The following ENKUR variants were observed in gnomAD, a reference collection of about 807,000 sequenced individuals.
ENKUR encodes the protein enkurin, TRPC channel interacting protein, also known as enkurin.
ENKUR carries 19 observed loss-of-function variants against 27.6 expected under a neutral mutation model. The ratio of observed to expected loss-of-function variants is 0.69; its 90% CI spans 0.48 to 1.01. The LOEUF is 1.01. Ranked by LOEUF, ENKUR falls within the 50% of genes least tolerant of loss-of-function variation. The pLI, the probability that ENKUR is intolerant of heterozygous loss-of-function variation, is 0.00. For synonymous variants in ENKUR, 117 were observed against 96.9 expected (o/e 1.21, Z -1.22); for missense variants, 312 against 310.5 (o/e 1.00, Z -0.04).
chr10:25,039,262 G>A (rs1436452819), intron 2 of ENKUR, among the ~76,000 whole-genome samples: 1 of 152,128 alleles, frequency 6.6e-6, no homozygotes, highest in African/African-American at 2.4e-5. Flanking sequence ...AGTAGGGACA[G>A]TTTTGCTGTT....
intron 2 of ENKUR, chr10:25,023,509 A>T: frequency 6.2e-7 from 1 of 1,614,142 alleles, no homozygotes; most frequent in Non-Finnish European, 8.5e-7. Context: ...AAAAACCTGG[A>T]ATATGAGTGT....
chr10:25,028,251 A>G (rs1850891472), intron 2 of ENKUR, among the ~76,000 whole-genome samples: 1 of 152,196 alleles, frequency 6.6e-6, no homozygotes, highest in African/African-American at 2.4e-5. Flanking sequence ...CTTTTTCTCA[A>G]AACCAACTCT....
At chr10:25,034,780 A>G (rs534404860) in intron 2 of ENKUR, among the ~76,000 whole-genome samples, 8 of 152,202 alleles carry the variant, frequency 5.3e-5, no homozygotes, top group Admixed American at 2.0e-4. Context: ...AGTATTCTGT[A>G]TATTTTCCAG....
intron 2 of ENKUR, among the ~76,000 whole-genome samples, chr10:25,050,641 T>C (rs1192454577): frequency 6.6e-6 from 1 of 152,116 alleles, no homozygotes; most frequent in African/African-American, 2.4e-5. Flanking sequence ...AGGCAAACCA[T>C]ATCATGTTTC....
chr10:24,988,680 A>ATATATATATATATATGTG (rs1849850757), intron 4 of ENKUR, among the ~76,000 whole-genome samples: 1 of 3,468 alleles, frequency 2.9e-4, no homozygotes, highest in African/African-American at 1.1e-3. Flanking sequence ...ATATATATAT[A>ATATATATATATATATGTG]TATATATATA....
Position 24,995,702 on chromosome 10 carries a change from C to T in ENKUR, c.391G>A (p.Gly131Arg), listed in dbSNP as rs770678410. Residue 131 changes from glycine (G) to arginine (R), a missense_variant, in exon 3 of 6, where the codon GGA becomes AGA. By Grantham distance (125) the Gly-to-Arg change is moderately radical (BLOSUM62 -2). Coordinates refer to ENST00000331161, the MANE Select transcript of ENKUR (RefSeq NM_145010.4). ...GAAGGCTCAAGATCATGCTTGTCTC[C>T]AGTTCTTTTATCAACATAAATTGGT... ...PKPIYVDKRT[G>R]DKHDLEPSGL... The T allele has an allele frequency of 5.6e-6, 9 of 1,613,994 alleles. No individual in the cohort carries two copies. The highest frequency in any genetic ancestry group is 7.6e-6 in the Non-Finnish European group (9 of 1,179,990).
upstream of ENKUR, chr10:25,016,196 G>T: frequency 8.5e-7 from 1 of 1,173,282 alleles, no homozygotes; most frequent in Non-Finnish European, 1.1e-6. Flanking sequence ...CAACGAGGAA[G>T]TGGCAGGCAG....
intron 2 of ENKUR, among the ~76,000 whole-genome samples, chr10:25,051,083 T>TTTCTGCAC (rs1851182636): frequency 6.6e-6 from 1 of 152,178 alleles, no homozygotes; most frequent in African/African-American, 2.4e-5. Context: ...AACTTACAAG[T>TTTCTGCAC]TTCTGCACTT....
intron 2 of ENKUR, chr10:25,023,953 C>T (rs1430954264): frequency 6.2e-7 from 1 of 1,614,052 alleles, no homozygotes; most frequent in Non-Finnish European, 8.5e-7. Flanking sequence ...AGACTGTGAA[C>T]AGAAGGTTTC....
chr10:25,035,669 A>G (rs1850999640), intron 2 of ENKUR, among the ~76,000 whole-genome samples: 1 of 152,092 alleles, frequency 6.6e-6, no homozygotes, highest in South Asian at 2.1e-4. Flanking sequence ...CTATGATGGT[A>G]TTTAGGAAAT....
chr10:25,020,088 T>C (rs1850686761), upstream of ENKUR, among the ~76,000 whole-genome samples: 1 of 152,172 alleles, frequency 6.6e-6, no homozygotes, highest in African/African-American at 2.4e-5. Context: ...AAATTTAGTA[T>C]GTAGCTTAAA....
intron 2 of ENKUR, among the ~76,000 whole-genome samples, chr10:25,050,653 T>A (rs1452084926): frequency 6.6e-6 from 1 of 152,118 alleles, no homozygotes; most frequent in Non-Finnish European, 1.5e-5. Context: ...TCATGTTTCA[T>A]CCTGAGAAAC....
chr10:25,021,781 A>T (rs1406732917), intron 2 of ENKUR: 4 of 152,202 alleles, frequency 2.6e-5, no homozygotes, highest in African/African-American at 7.2e-5. Context: ...CTCAGAGTCA[A>T]CAAACTCTTC....
upstream of ENKUR, among the ~76,000 whole-genome samples, chr10:25,018,857 C>A (rs944899753): frequency 6.6e-6 from 1 of 152,026 alleles, no homozygotes; most frequent in Admixed American, 6.6e-5. Context: ...ATATGTCTAA[C>A]AGCAGAAGTC....
intron 2 of ENKUR, among the ~76,000 whole-genome samples, chr10:25,027,002 A>G (rs1037891960): frequency 6.6e-6 from 1 of 152,182 alleles, no homozygotes; most frequent in African/African-American, 2.4e-5. Flanking sequence ...TTTACTTTTA[A>G]GGATATTTCA....
intron 2 of ENKUR, among the ~76,000 whole-genome samples, chr10:25,038,498 A>G (rs1851030058): frequency 6.6e-6 from 1 of 152,242 alleles, no homozygotes; most frequent in African/African-American, 2.4e-5. Context: ...ATCTGTTTAT[A>G]ACTCTATAAA....
intron 3 of ENKUR, among the ~76,000 whole-genome samples, chr10:24,994,357 C>G (rs867719720): frequency 2.7e-5 from 4 of 145,834 alleles, no homozygotes; most frequent in Admixed American, 6.9e-5. Flanking sequence ...TTTTTGACAC[C>G]GAGTCTCGCT....
At chr10:24,990,417 G>C in intron 4 of ENKUR, 46 bp downstream of exon 4, 1 of 1,568,236 alleles carries the variant, frequency 6.4e-7, no homozygotes, top group Non-Finnish European at 8.6e-7. Context: ...TTCTTTCAGA[G>C]ATGATCCAAA....
intron 1 of ENKUR, among the ~76,000 whole-genome samples, chr10:25,013,252 C>T (rs1029086908): frequency 2.0e-5 from 3 of 152,100 alleles, no homozygotes; most frequent in Admixed American, 6.5e-5. Flanking sequence ...GACTAATATA[C>T]TATGTTCTAT....
Sources: allele counts gnomAD v4.1 joint callset (sites outside exome capture counted in the v4.1 genomes callset), GRCh38; gene constraint gnomAD v4.1.1; transcripts MANE v1.5; gene names NCBI Gene and HGNC (gene_info 2026-07-23, HGNC 2026-07-21).